STXBP5L: variants seen among roughly 807,000 people sequenced by gnomAD.
STXBP5L encodes syntaxin-binding protein 5-like.
In STXBP5L, 65 loss-of-function variants were observed where a neutral mutation model predicts 144.5. The observed-to-expected ratio is 0.45, with a 90% CI of 0.37 to 0.55. The LOEUF is 0.55. STXBP5L is among the 20% of genes least tolerant of loss of function. STXBP5L has a pLI of 0.00. For synonymous variants in STXBP5L, 505 were observed against 469.6 expected (o/e 1.08, Z -0.97); for missense variants, 1,298 against 1,405.5 (o/e 0.92, Z 1.22).
intron 3 of STXBP5L, among the ~76,000 whole-genome samples, chr3:121,027,658 C>T (rs1191559838): frequency 1.3e-5 from 2 of 151,926 alleles, no homozygotes; most frequent in African/African-American, 4.8e-5. Flanking sequence ...GTTTTTTTCA[C>T]TTATAAGGAC....
intron 3 of STXBP5L, among the ~76,000 whole-genome samples, chr3:120,989,264 G>T (rs1942600005): frequency 1.3e-5 from 2 of 152,098 alleles, no homozygotes; most frequent in African/African-American, 4.8e-5. Flanking sequence ...ATGTATAATT[G>T]TTCCCTTTTC....
chr3:121,059,988 G>A (rs12637054), intron 5 of STXBP5L, among the ~76,000 whole-genome samples: 15,086 of 152,006 alleles, frequency 0.099, 1,179 homozygotes, highest in Admixed American at 0.2. Context: ...GATTGCCCTG[G>A]CTAGAACTTC....
chr3:121,085,398 A>T (rs1380102465), intron 5 of STXBP5L, among the ~76,000 whole-genome samples: 1 of 152,150 alleles, frequency 6.6e-6, no homozygotes, highest in African/African-American at 2.4e-5. Context: ...TTTGAAGATA[A>T]CATGATCCTA....
chr3:121,131,483 T>G (rs2044986095), intron 7 of STXBP5L, among the ~76,000 whole-genome samples: 1 of 152,172 alleles, frequency 6.6e-6, no homozygotes, highest in African/African-American at 2.4e-5. Context: ...AAAAAAAGAT[T>G]GCCAAGCTAT....
intron 20 of STXBP5L, among the ~76,000 whole-genome samples, chr3:121,351,727 C>A (rs1056336711): frequency 6.6e-6 from 1 of 152,056 alleles, no homozygotes; most frequent in Non-Finnish European, 1.5e-5. Context: ...GCTTTTGTTG[C>A]CATTGCTTTT....
chr3:121,080,851 T>A (rs1051417041), intron 5 of STXBP5L, among the ~76,000 whole-genome samples: 8 of 152,228 alleles, frequency 5.3e-5, no homozygotes, highest in Admixed American at 5.2e-4. Context: ...GCTGATAATT[T>A]TTTTGTGATG....
chr3:121,381,167 C>A, intron 21 of STXBP5L, 126 bp from the exon 22 acceptor site: 1 of 925,386 alleles, frequency 1.1e-6, no homozygotes, highest in Non-Finnish European at 1.6e-6. Context: ...AGCTCCCTCT[C>A]AGGTCAATTA....
chr3:121,229,371 CA>C (rs1356483420), intron 11 of STXBP5L, among the ~76,000 whole-genome samples: 2 of 151,982 alleles, frequency 1.3e-5, no homozygotes, highest in Admixed American at 6.6e-5. Flanking sequence ...CAATAAAAGA[CA>C]TTTTTTTCTC....
At chr3:121,127,768 A>G (rs1230026239) in intron 7 of STXBP5L, among the ~76,000 whole-genome samples, 1 of 152,034 alleles carries the variant, frequency 6.6e-6, no homozygotes, top group Non-Finnish European at 1.5e-5. Context: ...AAAAATTTAT[A>G]TAGATAAGCC....
At chr3:121,016,588 G>T (rs928893806) in intron 3 of STXBP5L, among the ~76,000 whole-genome samples, 10 of 152,128 alleles carry the variant, frequency 6.6e-5, no homozygotes, top group Admixed American at 3.3e-4. Context: ...GGGGTGGGCT[G>T]GTGAATAGAA....
intron 6 of STXBP5L, among the ~76,000 whole-genome samples, chr3:121,116,013 G>T (rs73189339): frequency 0.036 from 5,412 of 152,208 alleles, 147 homozygotes; most frequent in Middle Eastern, 0.082. Flanking sequence ...CCTCCCACTA[G>T]GCCCCACCTT....
chr3:121,203,999 G>T (rs2048238191), intron 9 of STXBP5L, among the ~76,000 whole-genome samples: 1 of 152,104 alleles, frequency 6.6e-6, no homozygotes, highest in East Asian at 1.9e-4. Flanking sequence ...AGCACTTTGG[G>T]AGGCTGAGAA....
At chr3:120,980,543 A>T in intron 3 of STXBP5L, among the ~76,000 whole-genome samples, 1 of 149,132 alleles carries the variant, frequency 6.7e-6, no homozygotes, top group African/African-American at 2.5e-5. Context: ...TTTGGTTTCC[A>T]TTTGCATAAA....
intron 3 of STXBP5L, among the ~76,000 whole-genome samples, chr3:120,999,556 T>A (rs1181261685): frequency 6.6e-6 from 1 of 152,188 alleles, no homozygotes; most frequent in Admixed American, 6.5e-5. Flanking sequence ...AAATGAGTCA[T>A]TTAGCCCATT....
intron 8 of STXBP5L, among the ~76,000 whole-genome samples, chr3:121,153,930 C>T (rs1202752335): frequency 1.3e-5 from 2 of 151,832 alleles, no homozygotes; most frequent in Non-Finnish European, 2.9e-5. Context: ...TGCTCCTTCT[C>T]TTCCCTCTCT....
At chr3:121,081,534 GTA>G (rs1161562536) in intron 5 of STXBP5L, among the ~76,000 whole-genome samples, 1 of 152,122 alleles carries the variant, frequency 6.6e-6, no homozygotes, top group Non-Finnish European at 1.5e-5. Context: ...TATATACTTG[GTA>G]TATGGGCAAG....
chr3:121,176,719 C>G (rs550293562), intron 9 of STXBP5L, among the ~76,000 whole-genome samples: 2 of 151,428 alleles, frequency 1.3e-5, no homozygotes, highest in African/African-American at 4.8e-5. Flanking sequence ...TTACAAAGAA[C>G]AAATGTTCTC....
chr3:121,040,665 C>T (rs1481073138), intron 3 of STXBP5L, among the ~76,000 whole-genome samples: 1 of 152,012 alleles, frequency 6.6e-6, no homozygotes, highest in Non-Finnish European at 1.5e-5. Context: ...TCCCTGGCCT[C>T]CCTAGACTGT....
intron 5 of STXBP5L, among the ~76,000 whole-genome samples, chr3:121,108,380 ATGT>A: frequency 6.6e-6 from 1 of 152,208 alleles, no homozygotes; most frequent in South Asian, 2.1e-4. Flanking sequence ...ATTTTGAGTT[ATGT>A]TCCATCAATA....
Sources: allele counts gnomAD v4.1 joint callset (sites outside exome capture counted in the v4.1 genomes callset), GRCh38; gene constraint gnomAD v4.1.1; transcripts MANE v1.5; gene names NCBI Gene and HGNC (gene_info 2026-07-23, HGNC 2026-07-21).